The following TRHDE variants were observed in gnomAD, a reference collection of about 807,000 sequenced individuals.
TRHDE encodes thyrotropin-releasing hormone-degrading ectoenzyme.
In TRHDE, 72 loss-of-function variants were observed where a neutral mutation model predicts 125.7. That is an observed-to-expected ratio of 0.57 (90% confidence interval 0.47 to 0.70). TRHDE has a LOEUF of 0.70. Among genes scored for constraint, TRHDE ranks in the 30% least tolerant of loss-of-function variants. The pLI is 0.00. For synonymous variants in TRHDE, 509 were observed against 509.1 expected, an observed-to-expected ratio of 1.00 and a Z score of 0.00; for missense variants, 1,110 against 1,327.1, an observed-to-expected ratio of 0.84 and a Z score of 2.54.
chr12:72,511,296 T>C (rs970115981), intron 6 of TRHDE, among the ~76,000 whole-genome samples: 1 of 152,186 alleles, frequency 6.6e-6, no homozygotes, highest in Non-Finnish European at 1.5e-5. Context: ...TGCATATTTA[T>C]GTTTGTATCA....
chr12:72,408,419 A>G (rs1873355250), intron 3 of TRHDE, among the ~76,000 whole-genome samples: 1 of 152,206 alleles, frequency 6.6e-6, no homozygotes, highest in African/African-American at 2.4e-5. Context: ...GTAAATTAAA[A>G]TGTTTTTTGC....
At chr12:72,657,139 C>T in intron 18 of TRHDE, 131 bp downstream of exon 18, 2 of 631,818 alleles carry the variant, frequency 3.2e-6, no homozygotes, top group South Asian at 2.0e-5. Flanking sequence ...CACACACACA[C>T]ACACACGTTA....
At chr12:72,236,711 T>C (rs1293375535) in intron 2 of TRHDE, among the ~76,000 whole-genome samples, 1 of 152,204 alleles carries the variant, frequency 6.6e-6, no homozygotes, top group Non-Finnish European at 1.5e-5. Flanking sequence ...AACAGTATGC[T>C]GCATACCATC....
At chr12:72,549,846 A>G (rs1474153656) in intron 7 of TRHDE, among the ~76,000 whole-genome samples, 1 of 151,862 alleles carries the variant, frequency 6.6e-6, no homozygotes, top group African/African-American at 2.4e-5. Context: ...ACTTTTATTC[A>G]TCAATTTTTA....
At chr12:72,551,263 G>GGTA (rs1565787201) in intron 7 of TRHDE, among the ~76,000 whole-genome samples, 1 of 151,964 alleles carries the variant, frequency 6.6e-6, no homozygotes, top group Admixed American at 6.6e-5. Flanking sequence ...TTCTCTTTTG[G>GGTA]TCTACCTCTG....
intron 2 of TRHDE, among the ~76,000 whole-genome samples, chr12:72,107,517 G>C (rs1409214921): frequency 6.6e-6 from 1 of 152,090 alleles, no homozygotes. Context: ...CTGTTGATTG[G>C]ATGTAGGTAA....
chr12:72,197,649 T>C (rs924465743), intron 2 of TRHDE, among the ~76,000 whole-genome samples: 1 of 152,128 alleles, frequency 6.6e-6, no homozygotes, highest in African/African-American at 2.4e-5. Context: ...CTTGTGTTCC[T>C]CTCTTTCTTG....
chr12:72,468,638 C>T (rs951638868), intron 3 of TRHDE, among the ~76,000 whole-genome samples: 4 of 152,208 alleles, frequency 2.6e-5, no homozygotes, highest in African/African-American at 4.8e-5. Flanking sequence ...AAGCAAGGAG[C>T]GCTAGCTATT....
chr12:72,191,016 C>T (rs1003987055), intron 2 of TRHDE, among the ~76,000 whole-genome samples: 1 of 152,156 alleles, frequency 6.6e-6, no homozygotes, highest in African/African-American at 2.4e-5. Context: ...TGCACTATAA[C>T]CTGTAGACTT....
At chr12:72,269,973 C>A (rs1879160115), upstream of TRHDE, among the ~76,000 whole-genome samples, 1 of 152,152 alleles carries the variant, frequency 6.6e-6, no homozygotes, top group Admixed American at 6.5e-5. Context: ...ATTCCAGAAG[C>A]CTCTGATAAT....
chr12:72,588,360 G>A (rs1029823202), intron 12 of TRHDE, among the ~76,000 whole-genome samples: 1 of 152,182 alleles, frequency 6.6e-6, no homozygotes, highest in Non-Finnish European at 1.5e-5. Context: ...GAGCATTCCA[G>A]AGGAACAGCA....
intron 2 of TRHDE, chr12:72,167,743 T>A (rs187935303): frequency 6.6e-6 from 1 of 152,202 alleles, no homozygotes; most frequent in African/African-American, 2.4e-5. Context: ...TCTCCCATAA[T>A]TGGAATACAT....
chr12:72,411,954 CT>C (rs141478335), intron 3 of TRHDE, among the ~76,000 whole-genome samples: 1 of 152,226 alleles, frequency 6.6e-6, no homozygotes, highest in Non-Finnish European at 1.5e-5. Flanking sequence ...TGACACCTAT[CT>C]CACACCATAT....
intron 2 of TRHDE, among the ~76,000 whole-genome samples, chr12:72,345,389 A>T (rs1389943931): frequency 6.6e-6 from 1 of 152,112 alleles, no homozygotes; most frequent in Non-Finnish European, 1.5e-5. Flanking sequence ...CTGGGAAGAG[A>T]TGCATAGTCG....
At chr12:72,338,089 C>T (rs781630672) in intron 2 of TRHDE, among the ~76,000 whole-genome samples, 5 of 152,124 alleles carry the variant, frequency 3.3e-5, no homozygotes, top group African/African-American at 1.2e-4. Context: ...GTACAAGTGT[C>T]GCTGTGCCTG....
At chr12:72,501,977 C>A (rs1294911051) in intron 6 of TRHDE, among the ~76,000 whole-genome samples, 2 of 151,888 alleles carry the variant, frequency 1.3e-5, no homozygotes, top group Non-Finnish European at 2.9e-5. Flanking sequence ...GGATATATTC[C>A]CTTATTATCC....
intron 2 of TRHDE, among the ~76,000 whole-genome samples, chr12:72,373,416 TC>T (rs1241317889): frequency 6.6e-6 from 1 of 152,156 alleles, no homozygotes; most frequent in Non-Finnish European, 1.5e-5. Context: ...GGCCAGAACT[TC>T]CAACACTATG....
At chr12:72,457,702 C>T (rs1005141618) in intron 3 of TRHDE, among the ~76,000 whole-genome samples, 1 of 152,120 alleles carries the variant, frequency 6.6e-6, no homozygotes, top group African/African-American at 2.4e-5. Context: ...ACTACTAGTA[C>T]AGCTTATGCT....
chr12:72,165,021 T>C (rs1876714014), intron 2 of TRHDE, among the ~76,000 whole-genome samples: 1 of 152,178 alleles, frequency 6.6e-6, no homozygotes, highest in Admixed American at 6.5e-5. Flanking sequence ...TTTATTGATC[T>C]TGGGGCCCTA....
Sources: allele counts gnomAD v4.1 joint callset (sites outside exome capture counted in the v4.1 genomes callset), GRCh38; gene constraint gnomAD v4.1.1; transcripts MANE v1.5; gene names NCBI Gene and HGNC (gene_info 2026-07-23, HGNC 2026-07-21).